The following DPP4 variants were observed in gnomAD, a reference collection of about 807,000 sequenced individuals.
DPP4 encodes ADCP-2.
DPP4 carries 93 observed loss-of-function variants against 122.4 expected under a neutral mutation model. The observed-to-expected ratio is 0.76, with a 90% CI of 0.64 to 0.90. DPP4 has a LOEUF of 0.90. DPP4 is among the 40% of genes least tolerant of loss of function. The pLI, the probability that DPP4 is intolerant of heterozygous loss-of-function variation, is 0.00. For missense variants in DPP4, 914 were observed against 907.3 expected, an observed-to-expected ratio of 1.01 and a Z score of -0.09; for synonymous variants, 321 against 302.9, an observed-to-expected ratio of 1.06 and a Z score of -0.62.
At chr2:161,996,277 G>A (rs576952022) in intron 23 of DPP4, among the ~76,000 whole-genome samples, 2 of 152,316 alleles carry the variant, frequency 1.3e-5, no homozygotes, top group Admixed American at 6.5e-5. Flanking sequence ...CCTTTGGGAG[G>A]GGGTGAGCTA....
chr2:162,006,839 G>T (rs937999173), intron 22 of DPP4, among the ~76,000 whole-genome samples: 57 of 152,008 alleles, frequency 3.7e-4, no homozygotes, highest in African/African-American at 1.2e-3. Context: ...ATTTTATCTT[G>T]CCATTGTGCT....
At chr2:162,071,616 C>T (rs1685121442) in intron 2 of DPP4, among the ~76,000 whole-genome samples, 1 of 152,184 alleles carries the variant, frequency 6.6e-6, no homozygotes, top group African/African-American at 2.4e-5. Context: ...CCAGAGCAGT[C>T]TGCTCAAGCA....
At chr2:161,998,101 C>A (rs147707103) in intron 23 of DPP4, among the ~76,000 whole-genome samples, 8 of 152,168 alleles carry the variant, frequency 5.3e-5, no homozygotes, top group Non-Finnish European at 7.3e-5. Context: ...CTCTGCACAG[C>A]CCTGGGTGAT....
chr2:162,055,699 A>G (rs1013980468), intron 2 of DPP4, among the ~76,000 whole-genome samples: 29 of 152,016 alleles, frequency 1.9e-4, no homozygotes, highest in Non-Finnish European at 3.5e-4. Flanking sequence ...ACACTGTGGT[A>G]CATCCAGGGG....
intron 16 of DPP4, 52 bp from the exon 17 acceptor site, chr2:162,017,207 G>T: frequency 6.6e-7 from 1 of 1,507,174 alleles, no homozygotes; most frequent in Non-Finnish European, 9.1e-7. Flanking sequence ...TTTTAGAAAA[G>T]ATAGTATAGA....
At chr2:162,034,949 A>G (rs551028360) in intron 9 of DPP4, among the ~76,000 whole-genome samples, 22 of 152,182 alleles carry the variant, frequency 1.4e-4, no homozygotes, top group African/African-American at 5.3e-4. Flanking sequence ...GTCATTCCTC[A>G]AAGTTTTTGG....
chr2:162,003,695 G>A (rs891384550), intron 23 of DPP4, among the ~76,000 whole-genome samples: 2 of 152,150 alleles, frequency 1.3e-5, no homozygotes, highest in Non-Finnish European at 2.9e-5. Flanking sequence ...TGGTTGGGTC[G>A]TTAACAAGAA....
In DPP4 at chr2:162,005,747, T is replaced by G. The variant is rs557594853; in HGVS notation, c.2050A>C (p.Arg684=). The G allele has an allele frequency of 6.2e-7, 1 of 1,612,724 alleles. No homozygotes were observed. Among genetic ancestry groups the G allele is most frequent in the East Asian group, 2.2e-5 (1 of 44,810 alleles). Residue 684 remains arginine, a splice_region_variant and synonymous_variant, in exon 23 of 26, where the codon AGA becomes CGA. Coordinates refer to ENST00000360534, the MANE Select transcript of DPP4 (RefSeq NM_001935.4). Reference sequence around the variant, plus strand: ...AGGTATAGGTCCTCATCTCTTACTCTGTAATGGTCAAGGTTGTCTTCTGGA... The same window carrying G: ...AGGTATAGGTCCTCATCTCTTACTCGGTAATGGTCAAGGTTGTCTTCTGGA... ...PTPEDNLDHY[R]NSTVMSRAEN... is the part of the protein sequence containing the mutation.
At chr2:162,040,835 A>G (rs1327659329) in intron 5 of DPP4, among the ~76,000 whole-genome samples, 1 of 152,028 alleles carries the variant, frequency 6.6e-6, no homozygotes, top group Non-Finnish European at 1.5e-5. Context: ...AATAGGGGAA[A>G]GTGGGGGAGG....
At chr2:162,031,199 T>G (rs1452899731) in intron 10 of DPP4, among the ~76,000 whole-genome samples, 3 of 152,186 alleles carry the variant, frequency 2.0e-5, no homozygotes, top group Non-Finnish European at 4.4e-5. Flanking sequence ...GCAAATGACT[T>G]TACCTCTCTG....
At position 161,994,950 on chromosome 2, in the gene DPP4, T is replaced by C. The variant is rs1458523365; in HGVS notation, c.2199+11A>G. 4 of 1,613,760 alleles carry C rather than the reference T, an allele frequency of 2.5e-6. No individual in the cohort carries two copies. The highest frequency in any genetic ancestry group is 3.4e-6 in the Non-Finnish European group (4 of 1,179,794). On this transcript the variant is annotated intron_variant, in intron 25 of 25. Transcript: ENST00000360534. ...GCAACTTCCCTCCCCTTGCACAAAG[T>C]TTTTCTATACCATTGCCTGGAAATC... is the stretch of plus-strand genomic sequence containing the variant.
rs1684226376 is a variant in DPP4, at chr2:162,047,420, G to A, written c.176C>T (p.Ser59Phe). Residue 59 changes from serine to phenylalanine, a missense_variant, in exon 3 of 26, where the codon TCC becomes TTC. By Grantham distance (155) the Ser-to-Phe change is radical (BLOSUM62 -2). Coordinates refer to ENST00000360534, the MANE Select transcript of DPP4 (RefSeq NM_001935.4). The part of the protein sequence containing the change: ...LKNTYRLKLY[S>F]LRWISDHEYL... ...ATTCTTACCTGAAATCCATCTTAAG[G>A]AGTATAACTTCAGTCTATAAGTATT... is the stretch of plus-strand genomic sequence containing the variant. The A allele has an allele frequency of 6.4e-7, 1 of 1,566,618 alleles. No individual in the cohort carries two copies. The highest frequency in any genetic ancestry group is 1.2e-5 in the South Asian group (1 of 83,834).
intron 23 of DPP4, among the ~76,000 whole-genome samples, chr2:162,003,915 A>G (rs944191582): frequency 1.3e-4 from 20 of 152,200 alleles, no homozygotes; most frequent in Non-Finnish European, 2.2e-4. Context: ...TCAAGGTGGA[A>G]TAAAATGAGG....
At chr2:162,022,907 C>CT (rs1445398640) in intron 11 of DPP4, 108 bp from the exon 12 acceptor site, 1 of 1,060,704 alleles carries the variant, frequency 9.4e-7, no homozygotes, top group Non-Finnish European at 1.5e-6. Flanking sequence ...TAACTGAGAG[C>CT]TATCTCCATT....
At chr2:162,067,784 G>C (rs1010719799) in intron 2 of DPP4, among the ~76,000 whole-genome samples, 1 of 152,110 alleles carries the variant, frequency 6.6e-6, no homozygotes, top group Non-Finnish European at 1.5e-5. Context: ...ATATTTACAA[G>C]ATATTGATTT....
chr2:162,042,585 T>C (rs1380316446), intron 5 of DPP4, among the ~76,000 whole-genome samples: 1 of 151,152 alleles, frequency 6.6e-6, no homozygotes, highest in Non-Finnish European at 1.5e-5. Context: ...AAAACGTATA[T>C]GCTGTACAGA....
Position 162,017,150 on chromosome 2 carries a change from C to A in DPP4, c.1426G>T (p.Gly476Cys), listed in dbSNP as rs1238660550. The A allele has an allele frequency of 6.2e-7, 1 of 1,611,764 alleles. No individual in the cohort carries two copies. Among genetic ancestry groups the A allele is most frequent in the South Asian group, 1.1e-5 (1 of 90,826 alleles). Residue 476 changes from glycine (G) to cysteine (C), a missense_variant, in exon 17 of 26, where the codon GGT becomes TGT. Gly to Cys is a radical substitution (Grantham distance 159). Coordinates refer to ENST00000360534, the MANE Select transcript of DPP4 (RefSeq NM_001935.4). Reference sequence around the variant, plus strand: ...CTGTGTAGAGTATAGAGGGGCAGACCAGGACCTGTTAACACAATGGGGGAA... The same window carrying A: ...CTGTGTAGAGTATAGAGGGGCAGACAAGGACCTGTTAACACAATGGGGGAA... Reference protein sequence around the residue: ...KYYQLRCSGPGLPLYTLHSSV... With the variant: ...KYYQLRCSGPCLPLYTLHSSV...
At chr2:161,998,074 A>C (rs1701050621) in intron 23 of DPP4, among the ~76,000 whole-genome samples, 1 of 152,180 alleles carries the variant, frequency 6.6e-6, no homozygotes, top group Non-Finnish European at 1.5e-5. Flanking sequence ...AGACTGCACT[A>C]ATCAGAAGAG....
chr2:162,039,321 CG>C lies in DPP4; in HGVS notation c.367-138del, dbSNP rs1683905787. 1.9e-4 allele frequency: 155 copies of C among 801,566 alleles called. 1 individual carries two copies. In the South Asian group the frequency reaches 2.7e-3, roughly 14 times the overall value. 49.7% of individuals were successfully genotyped at this position (801,566 alleles called of 1,614,324 possible). ...TGTTATCATATCTTATAATTTCCTC[CG>C]AGAATTTTGGGATTCAGAAGTATCC... On this transcript the variant is annotated intron_variant, in intron 5 of 25. Transcript: ENST00000360534.
Sources: gnomAD v4.1 joint callset for allele counts (sites outside exome capture counted in the v4.1 genomes callset) on GRCh38, gnomAD v4.1.1 for gene constraint, MANE v1.5 for transcripts, NCBI Gene and HGNC (gene_info 2026-07-23, HGNC 2026-07-21) for gene names.